FKBP7: variants seen among roughly 807,000 people sequenced by gnomAD.
The protein encoded by FKBP7 is FKBP prolyl isomerase 7.
Under a neutral mutation model 24.3 loss-of-function variants are expected in FKBP7, and 24 were observed. That is an observed-to-expected ratio of 0.99 (90% CI 0.72 to 1.39). FKBP7 has a LOEUF of 1.39. Ranked by LOEUF, FKBP7 falls within the 40% of genes most tolerant of loss-of-function variation. The pLI, the probability that FKBP7 is intolerant of heterozygous loss-of-function variation, is 0.00. For synonymous variants in FKBP7, 98 were observed against 92.8 expected (o/e 1.06, Z -0.32); for missense variants, 257 against 269.5 (o/e 0.95, Z 0.33).
At chr2:178,468,303 A>G (rs887367855) in intron 3 of FKBP7, among the ~76,000 whole-genome samples, 1 of 152,162 alleles carries the variant, frequency 6.6e-6, no homozygotes, top group Non-Finnish European at 1.5e-5. Context: ...AAATAGTATT[A>G]GACTTGAAAC....
Position 178,477,214 on chromosome 2 carries a change from C to G in FKBP7, c.222-1G>C. The G allele has an allele frequency of 6.2e-7, 1 of 1,607,346 alleles. No homozygotes were observed. Among genetic ancestry groups the G allele is most frequent in the Non-Finnish European group, 8.5e-7 (1 of 1,178,460 alleles). ...GGGGTGGCCTTCATTTTGTGTCCGG[C>G]TATAACAAAAAGCAATACTTAAGTA... On this transcript the variant is annotated splice_acceptor_variant, in intron 1 of 3. Transcript: ENST00000424785. LOFTEE classifies it high-confidence loss of function.
intron 2 of FKBP7, among the ~76,000 whole-genome samples, chr2:178,472,124 T>TAC (rs769834907): frequency 4.9e-4 from 75 of 151,584 alleles, no homozygotes; most frequent in Admixed American, 1.3e-3. Context: ...GCCCAGGCTG[T>TAC]AGTGCAGTGT....
chr2:178,477,243 T>C (rs1685037562), intron 1 of FKBP7, 30 bp from the exon 2 acceptor site: 2 of 1,597,002 alleles, frequency 1.3e-6, no homozygotes, highest in Non-Finnish European at 1.7e-6. Flanking sequence ...TTAAGTAAAC[T>C]GATTTCAAGA....
At chr2:178,476,187 A>G (rs148017370) in intron 2 of FKBP7, among the ~76,000 whole-genome samples, 3 of 152,354 alleles carry the variant, frequency 2.0e-5, no homozygotes, top group East Asian at 1.9e-4. Flanking sequence ...GCCACAATGT[A>G]GAAGAAAGAA....
chr2:178,470,678 GTGGCTCACACGTGTAA>G lies in FKBP7; in HGVS notation c.374-909_374-894del, dbSNP rs950347837. Among the ~76,000 whole-genome samples, 25 of 152,018 alleles carry G rather than the reference GTGGCTCACACGTGTAA, an allele frequency of 1.6e-4. No individual in the cohort carries two copies. In the East Asian group the frequency reaches 4.5e-3, roughly 27 times the overall value. ...AAAATCCAGTAACAGGCTGGGCACA[GTGGCTCACACGTGTAA>G]TTCTAGCACTCTGGGAGACCGAGAC... is the stretch of plus-strand genomic sequence containing the variant. On this transcript the variant is annotated intron_variant, in intron 2 of 3. Transcript: ENST00000424785.
chr2:178,474,912 T>C (rs1431282361), intron 2 of FKBP7, among the ~76,000 whole-genome samples: 1 of 152,066 alleles, frequency 6.6e-6, no homozygotes, highest in Non-Finnish European at 1.5e-5. Flanking sequence ...GCTTTCAGAC[T>C]CCTGGGCTCA....
intron 1 of FKBP7, among the ~76,000 whole-genome samples, chr2:178,477,580 A>G (rs1314642698): frequency 6.6e-6 from 1 of 152,166 alleles, no homozygotes; most frequent in Admixed American, 6.5e-5. Flanking sequence ...TCAAAAAGTC[A>G]TTTTAATAGT....
intron 3 of FKBP7, among the ~76,000 whole-genome samples, chr2:178,469,312 T>C (rs1684779660): frequency 6.6e-6 from 1 of 152,238 alleles, no homozygotes; most frequent in African/African-American, 2.4e-5. Flanking sequence ...CTATGAGGCG[T>C]GAATTATTTG....
rs1684637720 is a variant in FKBP7, at chr2:178,465,799, A to T, written c.640T>A (p.Tyr214Asn). 8.1e-6 allele frequency: 13 copies of T among 1,607,464 alleles called. No individual in the cohort carries two copies. Among genetic ancestry groups the T allele is most frequent in the Non-Finnish European group, 1.1e-5 (13 of 1,177,540 alleles). ...DGDGFISPKE[Y>N]NVYQHDEL ...AGTTCATCGTGTTGGTATACATTGT[A>T]TTCCTTGGGAGAAATGAAGCCATCA... The change falls in exon 4 of 4, where the codon TAC becomes AAC. Residue 214 changes from tyrosine (Y) to asparagine (N), a missense_variant. Transcript: ENST00000424785.
intron 3 of FKBP7, 86 bp downstream of exon 3, chr2:178,469,566 G>T: frequency 7.2e-7 from 1 of 1,393,244 alleles, no homozygotes; most frequent in African/African-American, 1.4e-5. Context: ...ATGCTAGCTA[G>T]ACCTAAAAAG....
chr2:178,470,009 T>A (rs1045903318), intron 2 of FKBP7, among the ~76,000 whole-genome samples: 1 of 152,098 alleles, frequency 6.6e-6, no homozygotes, highest in African/African-American at 2.4e-5. Flanking sequence ...TTTTTAGGAA[T>A]ATTTTTTCCA....
intron 2 of FKBP7, 127 bp downstream of exon 2, chr2:178,476,935 A>G (rs368287996): frequency 2.5e-4 from 170 of 667,092 alleles, no homozygotes; most frequent in Non-Finnish European, 3.7e-4. Flanking sequence ...CATGGCTGCT[A>G]TGAGCATGGC....
At chr2:178,472,909 T>G (rs1432864507) in intron 2 of FKBP7, 1 of 320,342 alleles carries the variant, frequency 3.1e-6, no homozygotes, top group Non-Finnish European at 5.9e-6. Context: ...TTGTTTTTTT[T>G]TTTTTTTTAA....
At position 178,478,449 on chromosome 2, in the gene FKBP7, C is replaced by T; in HGVS notation, c.51G>A (p.Leu17=). The part of the protein sequence containing the change: ...FLFRFIVFFY[L]WGLFTAQRQK... ...GTCTCTGAGCAGTAAAAAGGCCCCACAGATAAAAGAAAACAATGAATCTGA... is the reference window on the plus strand; with the variant it reads ...GTCTCTGAGCAGTAAAAAGGCCCCATAGATAAAAGAAAACAATGAATCTGA... The change falls in exon 1 of 4, where the codon CTG becomes CTA. Residue 17 remains leucine, a synonymous_variant. Transcript: ENST00000424785. 3 of 1,614,236 alleles carry T rather than the reference C, an allele frequency of 1.9e-6. No homozygotes were observed. Among genetic ancestry groups the T allele is most frequent in the Admixed American group, 1.7e-5 (1 of 60,030 alleles).
chr2:178,470,540 T>C (rs761568185), intron 2 of FKBP7, among the ~76,000 whole-genome samples: 5 of 152,246 alleles, frequency 3.3e-5, no homozygotes, highest in Non-Finnish European at 4.4e-5. Context: ...AGATGAGTCA[T>C]CTTTTAGAAA....
chr2:178,468,665 C>T (rs1230247963), intron 3 of FKBP7, among the ~76,000 whole-genome samples: 1 of 151,868 alleles, frequency 6.6e-6, no homozygotes, highest in Non-Finnish European at 1.5e-5. Context: ...AGTCATGAAG[C>T]CAGATTGCCC....
rs780155338 is a variant in FKBP7, at chr2:178,478,390, A to AT, written c.109dup (p.Ile37AsnfsTer12). The stretch of plus-strand genomic sequence containing the variant: ...GTTTTCTGGACGATGCAAAACTTCT[A>AT]TTTTCACTTCTTCGGTGCTCTCCTC... On this transcript the variant is annotated frameshift_variant, in exon 1 of 4. Transcript: ENST00000424785. LOFTEE classifies it high-confidence loss of function. The AT allele has an allele frequency of 1.2e-6, 2 of 1,614,158 alleles. No individual in the cohort carries two copies. Among genetic ancestry groups the AT allele is most frequent in the Admixed American group, 3.3e-5 (2 of 60,022 alleles).
chr2:178,470,561 G>A (rs1351336267), intron 2 of FKBP7, among the ~76,000 whole-genome samples: 1 of 152,204 alleles, frequency 6.6e-6, no homozygotes, highest in Non-Finnish European at 1.5e-5. Flanking sequence ...GTGATTTTGT[G>A]TAGTTATTTG....
chr2:178,470,641 T>C (rs1684821506), intron 2 of FKBP7, among the ~76,000 whole-genome samples: 1 of 152,056 alleles, frequency 6.6e-6, no homozygotes, highest in South Asian at 2.1e-4. Flanking sequence ...AAAAAATAAG[T>C]GCAATGATAG....
Sources: gnomAD v4.1 joint callset for allele counts (sites outside exome capture counted in the v4.1 genomes callset) on GRCh38, gnomAD v4.1.1 for gene constraint, MANE v1.5 for transcripts, NCBI Gene and HGNC (gene_info 2026-07-23, HGNC 2026-07-21) for gene names.